Variants in TRPM3 observed in about 807,000 individuals in gnomAD.
TRPM3 encodes the protein transient receptor potential cation channel subfamily M member 3.
In TRPM3, 77 loss-of-function variants were observed where a neutral mutation model predicts 181.2. The ratio of observed to expected loss-of-function variants is 0.42; its 90% CI spans 0.35 to 0.51. The LOEUF is 0.51. TRPM3 is among the 20% of genes least tolerant of loss of function. The pLI is 0.01. For missense variants in TRPM3, 1,759 were observed against 2,196.7 expected (o/e 0.80, Z 3.98); for synonymous variants, 745 against 796.4 (o/e 0.94, Z 1.09).
intron 8 of TRPM3, among the ~76,000 whole-genome samples, chr9:70,758,629 A>T (rs961682078): frequency 3.3e-5 from 5 of 152,216 alleles, no homozygotes; most frequent in African/African-American, 1.2e-4. Flanking sequence ...GTGCCAAAAC[A>T]GATATATACA....
intron 1 of TRPM3, among the ~76,000 whole-genome samples, chr9:71,202,321 T>A (rs1466291053): frequency 6.6e-6 from 1 of 152,098 alleles, no homozygotes; most frequent in African/African-American, 2.4e-5. Context: ...CATTCTCAGA[T>A]CTCCATGTGC....
At chr9:71,347,994 A>T (rs1413606571) in intron 1 of TRPM3, among the ~76,000 whole-genome samples, 1 of 152,116 alleles carries the variant, frequency 6.6e-6, no homozygotes, top group Non-Finnish European at 1.5e-5. Context: ...GTTAAAATGA[A>T]CAACTCCCAT....
At chr9:71,265,253 CATA>C (rs761419323) in intron 1 of TRPM3, among the ~76,000 whole-genome samples, 30 of 152,078 alleles carry the variant, frequency 2.0e-4, no homozygotes, top group Non-Finnish European at 1.9e-4. Flanking sequence ...TTTCTTTGAG[CATA>C]ATAATGCCTA....
intron 1 of TRPM3, among the ~76,000 whole-genome samples, chr9:70,868,177 T>C (rs1313014583): frequency 6.6e-6 from 1 of 152,052 alleles, no homozygotes; most frequent in Non-Finnish European, 1.5e-5. Context: ...AAAGGTAGAA[T>C]GGTCACATAA....
Position 71,344,013 on chromosome 9 carries a change from G to GTTAGATTAGATTAGATTAGATTAGA in TRPM3, c.183+102615_183+102639dup, listed in dbSNP as rs78208290. On this transcript the variant is annotated intron_variant, in intron 1 of 24. Coordinates refer to the TRPM3 transcript ENST00000357533. ...ATAAAATAGGAATCTATTATTCCAT[G>GTTAGATTAGATTAGATTAGATTAGA]TTAGATTAGATTAGATTAGATTAGA... Among the ~76,000 whole-genome samples the GTTAGATTAGATTAGATTAGATTAGA allele has an allele frequency of 1.5e-3, 225 of 150,132 alleles. 1 individual carries two copies. Among genetic ancestry groups the GTTAGATTAGATTAGATTAGATTAGA allele is most frequent in the African/African-American group, 2.4e-3 (99 of 40,650 alleles).
At chr9:71,181,041 T>C (rs2077372584) in intron 1 of TRPM3, among the ~76,000 whole-genome samples, 1 of 152,128 alleles carries the variant, frequency 6.6e-6, no homozygotes, top group Non-Finnish European at 1.5e-5. Flanking sequence ...TTGACAAGAC[T>C]GCTCTAATTT....
At chr9:71,130,904 T>C (rs1044696693) in intron 1 of TRPM3, among the ~76,000 whole-genome samples, 3 of 152,262 alleles carry the variant, frequency 2.0e-5, no homozygotes, top group African/African-American at 4.8e-5. Flanking sequence ...GTAATGCGTA[T>C]GTTTTTCTTT....
rs184764423 is a variant in TRPM3, at chr9:71,239,892, C to T, written c.183+206761G>A. 9.4e-5 allele frequency among the ~76,000 whole-genome samples: 14 copies of T among 148,478 alleles called. No homozygotes were observed. The East Asian group carries it at 2.9e-3, about 31-fold the overall frequency. ...CATTGAAACTAATTTATATCACTAC[C>T]CTAGAGCCTCATGAATTGGAATTTT... On this transcript the variant is annotated intron_variant, in intron 1 of 24. Transcript: ENST00000357533.
chr9:71,082,326 A>G (rs921452224), intron 1 of TRPM3, among the ~76,000 whole-genome samples: 2 of 152,098 alleles, frequency 1.3e-5, no homozygotes, highest in Non-Finnish European at 2.9e-5. Context: ...AAGTTAGGAA[A>G]CACTTCTCAT....
At chr9:70,800,337 T>G (rs2088572290) in intron 6 of TRPM3, among the ~76,000 whole-genome samples, 1 of 152,234 alleles carries the variant, frequency 6.6e-6, no homozygotes. Context: ...TTATTCTGGA[T>G]GAATTAATAT....
At chr9:71,173,110 T>A (rs543946135) in intron 1 of TRPM3, among the ~76,000 whole-genome samples, 1 of 152,338 alleles carries the variant, frequency 6.6e-6, no homozygotes, top group Admixed American at 6.5e-5. Context: ...CTTATGTACC[T>A]AATTTTTTGT....
chr9:71,249,984 A>G (rs922397913), intron 1 of TRPM3, among the ~76,000 whole-genome samples: 4 of 152,234 alleles, frequency 2.6e-5, no homozygotes, highest in Non-Finnish European at 4.4e-5. Context: ...AAAACTGTAC[A>G]ATGTGAAATA....
chr9:70,946,433 G>GTAATAATAATAATAA (rs55711193), intron 1 of TRPM3, among the ~76,000 whole-genome samples: 9 of 144,664 alleles, frequency 6.2e-5, no homozygotes, highest in African/African-American at 2.4e-4. Context: ...CTGTTAAATG[G>GTAATAATAATAATAA]TAATAATAAT....
intron 1 of TRPM3, among the ~76,000 whole-genome samples, chr9:71,204,305 C>A (rs2078988129): frequency 6.6e-6 from 1 of 150,668 alleles, no homozygotes; most frequent in Non-Finnish European, 1.5e-5. Flanking sequence ...ATTTTTGCAA[C>A]CTACTCATCT....
At position 71,446,753 on chromosome 9, in the gene TRPM3, CT is replaced by C; in HGVS notation, c.82del (p.Ser28AlafsTer16). The C allele has an allele frequency of 6.4e-7, 1 of 1,550,572 alleles. No homozygotes were observed. The highest frequency in any genetic ancestry group is 1.2e-5 in the South Asian group (1 of 84,060). On this transcript the variant is annotated frameshift_variant, in exon 1 of 25. Coordinates refer to the TRPM3 transcript ENST00000357533. LOFTEE classifies it high-confidence loss of function. ...AAACCTGCCCCGGCTGGCGCTCCGG[CT>C]GCGTCTGCGGCTCTCCGCGTTGTCC...
At chr9:70,623,672 CTT>C (rs1340698592) in intron 14 of TRPM3, among the ~76,000 whole-genome samples, 1 of 149,318 alleles carries the variant, frequency 6.7e-6, no homozygotes, top group African/African-American at 2.6e-5. Flanking sequence ...AACCGTTTTA[CTT>C]AAGAATGGCC....
At chr9:70,932,110 A>G (rs545323497) in intron 1 of TRPM3, among the ~76,000 whole-genome samples, 17 of 152,282 alleles carry the variant, frequency 1.1e-4, no homozygotes, top group African/African-American at 4.1e-4. Flanking sequence ...CAAGAAAACC[A>G]TAACATTTGA....
At chr9:70,540,254 T>C (rs989035880) in intron 25 of TRPM3, among the ~76,000 whole-genome samples, 1 of 152,240 alleles carries the variant, frequency 6.6e-6, no homozygotes, top group Non-Finnish European at 1.5e-5. Flanking sequence ...TGGGTCTCAC[T>C]AGCTCTCTAG....
chr9:70,805,598 T>C (rs557268178), intron 6 of TRPM3, among the ~76,000 whole-genome samples: 14 of 150,638 alleles, frequency 9.3e-5, no homozygotes, highest in African/African-American at 2.9e-4. Flanking sequence ...GAAAGGGTCT[T>C]GGAATTGGGT....
Sources: gnomAD v4.1 joint callset for allele counts (sites outside exome capture counted in the v4.1 genomes callset) on GRCh38, gnomAD v4.1.1 for gene constraint, MANE v1.5 for transcripts, NCBI Gene and HGNC (gene_info 2026-07-23, HGNC 2026-07-21) for gene names.